The following XRCC5 variants were observed in gnomAD, a reference collection of about 807,000 sequenced individuals.
The protein encoded by XRCC5 is DNA repair protein Ku80.
A neutral mutation model predicts 95.7 loss-of-function variants in XRCC5; 12 were observed. The observed-to-expected ratio is 0.13, with a 90% CI of 0.08 to 0.20. XRCC5 has a LOEUF of 0.20. XRCC5 is among the 10% of genes least tolerant of loss of function. The probability of loss-of-function intolerance (pLI) is 1.00; values close to 1 mark genes in which losing one functional copy is unlikely to be tolerated. For synonymous variants in XRCC5, 281 were observed against 290.3 expected, an observed-to-expected ratio of 0.97 and a Z score of 0.33; for missense variants, 595 against 873.9, an observed-to-expected ratio of 0.68 and a Z score of 4.02.
intron 14 of XRCC5, among the ~76,000 whole-genome samples, chr2:216,151,172 T>C (rs572837368): frequency 6.6e-6 from 1 of 152,318 alleles, no homozygotes; most frequent in Admixed American, 6.5e-5. Context: ...GAATACCTAG[T>C]GTTAGAAGTG....
intron 16 of XRCC5, among the ~76,000 whole-genome samples, chr2:216,180,190 C>T (rs1689357203): frequency 6.6e-6 from 1 of 152,064 alleles, no homozygotes; most frequent in South Asian, 2.1e-4. Flanking sequence ...TGGAAGAGAT[C>T]CTTGAGTAAC....
chr2:216,192,053 C>T (rs1299923223), intron 17 of XRCC5, among the ~76,000 whole-genome samples: 1 of 152,080 alleles, frequency 6.6e-6, no homozygotes, highest in Non-Finnish European at 1.5e-5. Flanking sequence ...GGCTGGAGTG[C>T]AGTGGCATGA....
intron 12 of XRCC5, among the ~76,000 whole-genome samples, chr2:216,139,488 G>C (rs1334821452): frequency 1.3e-5 from 2 of 152,050 alleles, no homozygotes; most frequent in Admixed American, 6.6e-5. Flanking sequence ...AATAGCACAA[G>C]AAAGACCAGC....
intron 18 of XRCC5, among the ~76,000 whole-genome samples, chr2:216,194,260 T>C (rs1689675539): frequency 6.6e-6 from 1 of 152,244 alleles, no homozygotes; most frequent in Admixed American, 6.5e-5. Flanking sequence ...AACAATATTA[T>C]TTAAGTACCT....
At chr2:216,130,779 G>T in intron 8 of XRCC5, 96 bp from the exon 9 acceptor site, 1 of 695,686 alleles carries the variant, frequency 1.4e-6, no homozygotes, top group South Asian at 2.0e-5. Flanking sequence ...TTGCTCTGGC[G>T]TGTGCGTGTG....
intron 16 of XRCC5, among the ~76,000 whole-genome samples, chr2:216,177,363 A>C (rs1241486286): frequency 6.6e-6 from 1 of 152,160 alleles, no homozygotes; most frequent in Non-Finnish European, 1.5e-5. Context: ...GGGTCATGAG[A>C]TCCTAGTGAA....
intron 5 of XRCC5, among the ~76,000 whole-genome samples, chr2:216,121,797 C>T (rs972221579): frequency 3.9e-5 from 6 of 152,066 alleles, no homozygotes; most frequent in African/African-American, 1.4e-4. Flanking sequence ...CAGTTGAGAC[C>T]CTGGGTCTGG....
At chr2:216,189,357 C>T (rs1469281379) in intron 16 of XRCC5, among the ~76,000 whole-genome samples, 1 of 152,198 alleles carries the variant, frequency 6.6e-6, no homozygotes, top group African/African-American at 2.4e-5. Context: ...GGCATGATTA[C>T]CCACATCTCC....
chr2:216,117,944 C>T lies in XRCC5; in HGVS notation c.368+150C>T. 5.1e-6 allele frequency: 4 copies of T among 782,686 alleles called. No individual in the cohort carries two copies. The Admixed American group carries it at 9.2e-5, about 18-fold the overall frequency. The allele number at this position is 782,686 out of a possible 1,614,324, so 48.5% of individuals were successfully genotyped here. On this transcript the variant is annotated intron_variant, in intron 4 of 20. Coordinates refer to ENST00000392132, the MANE Select transcript of XRCC5 (RefSeq NM_021141.4). ...TTTTATAGAATTGAATGGTTCAGTCCAACCTCTCTGTTTTTTAAAAGTTTT... is the reference window on the plus strand; with the variant it reads ...TTTTATAGAATTGAATGGTTCAGTCTAACCTCTCTGTTTTTTAAAAGTTTT...
chr2:216,162,839 A>T (rs780743196), intron 16 of XRCC5, among the ~76,000 whole-genome samples: 26 of 152,320 alleles, frequency 1.7e-4, no homozygotes, highest in Non-Finnish European at 3.2e-4. Context: ...CTTATCAGGT[A>T]GTACCTAGAA....
Position 216,144,073 on chromosome 2 carries a change from C to A in XRCC5, c.1476+2754C>A, listed in dbSNP as rs553515028. ...ATGAGAAAAGTAGAGAGAGAAAAAA[C>A]CAGTTGTTAAAACAGTGGTGGGAAA... On this transcript the variant is annotated intron_variant, in intron 13 of 20. Transcript: ENST00000392132. 3.3e-5 allele frequency among the ~76,000 whole-genome samples: 5 copies of A among 152,124 alleles called. No individual in the cohort carries two copies. The South Asian group carries it at 8.3e-4, about 25-fold the overall frequency.
chr2:216,111,450 G>T, intron 1 of XRCC5: 1 of 445,638 alleles, frequency 2.2e-6, no homozygotes, highest in Non-Finnish European at 4.5e-6. Flanking sequence ...CTTGAGCCCG[G>T]GAGATGGAGG....
intron 16 of XRCC5, among the ~76,000 whole-genome samples, chr2:216,166,903 G>A (rs1198053362): frequency 6.6e-6 from 1 of 152,088 alleles, no homozygotes; most frequent in African/African-American, 2.4e-5. Context: ...AGAAAGGATG[G>A]ATATATGGGG....
At chr2:216,115,745 A>C (rs1696684351) in intron 2 of XRCC5, among the ~76,000 whole-genome samples, 1 of 151,978 alleles carries the variant, frequency 6.6e-6, no homozygotes, top group Non-Finnish European at 1.5e-5. Flanking sequence ...AAATATGGAG[A>C]ATATACAGGT....
chr2:216,174,860 TC>T (rs1689242203), intron 16 of XRCC5: 2 of 278,714 alleles, frequency 7.2e-6, no homozygotes, highest in African/African-American at 4.5e-5. Flanking sequence ...TTGTTCTTTC[TC>T]CTGCTAAGAA....
chr2:216,120,559 G>A (rs1051407164), intron 5 of XRCC5, among the ~76,000 whole-genome samples: 10 of 152,020 alleles, frequency 6.6e-5, no homozygotes, highest in African/African-American at 2.2e-4. Context: ...GAGAAGCCCT[G>A]TGTTCTGTTT....
intron 16 of XRCC5, among the ~76,000 whole-genome samples, chr2:216,162,323 T>G (rs1688968192): frequency 6.6e-6 from 1 of 152,224 alleles, no homozygotes; most frequent in Admixed American, 6.5e-5. Context: ...TCCACTTCAT[T>G]GAAGTTTTTT....
At chr2:216,171,940 T>C (rs1011600628) in intron 16 of XRCC5, among the ~76,000 whole-genome samples, 23 of 152,250 alleles carry the variant, frequency 1.5e-4, no homozygotes, top group African/African-American at 5.3e-4. Flanking sequence ...TTGTAAATTA[T>C]AGAGTTGTGA....
In XRCC5 at chr2:216,116,799, G is replaced by C. The variant is rs758611535; in HGVS notation, c.276G>C (p.Glu92Asp). The change falls in exon 3 of 21, where the codon GAG becomes GAC. Residue 92 changes from glutamate (E) to aspartate (D), a missense_variant. By Grantham distance (45) the Glu-to-Asp change is conservative. Around this residue, in one of 2 missense-constraint regions of XRCC5, gnomAD observed 286 missense variants for 491.1 expected, o/e 0.58. Transcript: ENST00000392132. ...HLMLPDFDLL[E>D]DIESKIQPGS... ...TGCTACCAGATTTTGATTTGCTGGA[G>C]GACATTGAAAGCAAAATCCAACCAG... 7.4e-6 allele frequency: 12 copies of C among 1,614,154 alleles called. No homozygotes were observed. The South Asian group carries it at 1.2e-4, about 16-fold the overall frequency.
Sources: allele counts gnomAD v4.1 joint callset (sites outside exome capture counted in the v4.1 genomes callset), GRCh38; gene constraint gnomAD v4.1.1; regional missense constraint gnomAD v4.1.1; transcripts MANE v1.5; gene names NCBI Gene and HGNC (gene_info 2026-07-23, HGNC 2026-07-21).